The following SDK2 variants were observed in gnomAD, a reference collection of about 807,000 sequenced individuals.
SDK2 encodes protein sidekick-2.
A neutral mutation model predicts 253.9 loss-of-function variants in SDK2; 105 were observed. The observed-to-expected ratio is 0.41, with a 90% CI of 0.35 to 0.49. The LOEUF is 0.49. Ranked by LOEUF, SDK2 falls within the 20% of genes least tolerant of loss-of-function variation. The pLI, the probability that SDK2 is intolerant of heterozygous loss-of-function variation, is 0.06. For synonymous variants in SDK2, 1,249 were observed against 1,234.9 expected (o/e 1.01, Z -0.24); for missense variants, 2,608 against 3,003.0 (o/e 0.87, Z 3.07).
At chr17:73,526,922 T>A (rs1479312020) in intron 1 of SDK2, among the ~76,000 whole-genome samples, 1 of 152,248 alleles carries the variant, frequency 6.6e-6, no homozygotes, top group African/African-American at 2.4e-5. Flanking sequence ...CTTGTTGACC[T>A]TTCCTGATCA....
At chr17:73,494,032 C>T (rs1260998161) in intron 2 of SDK2, among the ~76,000 whole-genome samples, 4 of 152,194 alleles carry the variant, frequency 2.6e-5, no homozygotes, top group African/African-American at 9.7e-5. Context: ...CTGGGGATGC[C>T]GGGCCTGGCA....
In SDK2 at chr17:73,507,597, T is replaced by C; in HGVS notation, c.65A>G (p.Asp22Gly). Reference sequence around the variant, plus strand: ...TGTCTTGAAATACGGGGACACATCATCTGCAGAAACAGGGAGACAAAGCCA... The same window carrying C: ...TGTCTTGAAATACGGGGACACATCACCTGCAGAAACAGGGAGACAAAGCCA... ...LHQIRAARAQ[D>G]DVSPYFKTEP... Residue 22 changes from aspartate (D) to glycine (G), a missense_variant and splice_region_variant, in exon 2 of 45, where the codon GAT becomes GGT. By Grantham distance (94) the Asp-to-Gly change is moderately conservative. Transcript: ENST00000392650. 2 of 1,550,902 alleles carry C rather than the reference T, an allele frequency of 1.3e-6. No homozygotes were observed. The highest frequency in any genetic ancestry group is 1.7e-6 in the Non-Finnish European group (2 of 1,146,534).
At chr17:73,505,182 A>G in intron 2 of SDK2, among the ~76,000 whole-genome samples, 1 of 152,232 alleles carries the variant, frequency 6.6e-6, no homozygotes, top group East Asian at 1.9e-4. Flanking sequence ...ATACACATTA[A>G]GGAAGCAATT....
chr17:73,640,259 T>A (rs1208763133), intron 1 of SDK2, among the ~76,000 whole-genome samples: 1 of 82,950 alleles, frequency 1.2e-5, no homozygotes, highest in South Asian at 4.7e-4. Context: ...GGGGGTGGGG[T>A]GTGTGTGTGG....
chr17:73,447,828 G>C lies in SDK2; in HGVS notation c.480-80C>G, dbSNP rs2063464633. ...AGGGAGTGGGAGTGGAAACCCTAAG[G>C]GGGAAGCCCGACCATATCTCCCAGT... On this transcript the variant is annotated intron_variant, in intron 4 of 44. Transcript: ENST00000392650. The surrounding 1 kb of genome is among the most constrained non-coding windows in gnomAD (Gnocchi z 4.0). 4 of 1,508,922 alleles carry C rather than the reference G, an allele frequency of 2.7e-6. No homozygotes were observed. The highest frequency in any genetic ancestry group is 2.0e-4 in the Middle Eastern group (1 of 5,080). 93.5% of individuals were successfully genotyped at this position (1,508,922 alleles called of 1,614,324 possible).
chr17:73,445,718 A>C (rs1211758597), intron 5 of SDK2, among the ~76,000 whole-genome samples: 1 of 152,086 alleles, frequency 6.6e-6, no homozygotes, highest in African/African-American at 2.4e-5. Context: ...GCAGGCAGGC[A>C]GGCAGGCAGG....
chr17:73,558,112 C>G (rs1385960593), intron 1 of SDK2, among the ~76,000 whole-genome samples: 1 of 152,262 alleles, frequency 6.6e-6, no homozygotes, highest in African/African-American at 2.4e-5. Context: ...GAGCTGCCAC[C>G]TGGGAGTGAA....
At chr17:73,614,154 A>C (rs2046017219) in intron 1 of SDK2, among the ~76,000 whole-genome samples, 2 of 132,408 alleles carry the variant, frequency 1.5e-5, no homozygotes, top group African/African-American at 6.0e-5. Context: ...GCTGCTTTTC[A>C]TTTCCCAAGC....
intron 1 of SDK2, among the ~76,000 whole-genome samples, chr17:73,565,162 C>T (rs889493935): frequency 2.0e-5 from 3 of 152,272 alleles, no homozygotes; most frequent in South Asian, 4.1e-4. Flanking sequence ...TTGCGGCAAC[C>T]GCAGCAGTTG....
At chr17:73,600,417 T>C (rs1683829059) in intron 1 of SDK2, among the ~76,000 whole-genome samples, 1 of 152,130 alleles carries the variant, frequency 6.6e-6, no homozygotes, top group Non-Finnish European at 1.5e-5. Flanking sequence ...CAGGCCTCCC[T>C]GGCTTCTGCC....
intron 18 of SDK2, among the ~76,000 whole-genome samples, chr17:73,404,339 A>G (rs1328362826): frequency 6.6e-6 from 1 of 152,142 alleles, no homozygotes; most frequent in Non-Finnish European, 1.5e-5. Flanking sequence ...AGGTCCAGGG[A>G]GAGAGACAGT....
chr17:73,565,637 T>G (rs2045299970), intron 1 of SDK2, among the ~76,000 whole-genome samples: 1 of 152,184 alleles, frequency 6.6e-6, no homozygotes, highest in Non-Finnish European at 1.5e-5. Flanking sequence ...ATTCTAGATC[T>G]CTAATATGGT....
intron 1 of SDK2, 147 bp from the exon 2 acceptor site, chr17:73,507,744 C>T (rs1355298752): frequency 5.0e-6 from 4 of 795,112 alleles, no homozygotes; most frequent in Non-Finnish European, 7.8e-6. Context: ...GGACTTGAAC[C>T]TGGGTCAGTC....
At chr17:73,555,005 G>T (rs977096697) in intron 1 of SDK2, among the ~76,000 whole-genome samples, 18 of 152,344 alleles carry the variant, frequency 1.2e-4, no homozygotes, top group African/African-American at 4.3e-4. Context: ...GACTGGCTGG[G>T]GACCAGGCTG....
At chr17:73,404,697 C>T (rs1191518877) in intron 18 of SDK2, among the ~76,000 whole-genome samples, 1 of 152,154 alleles carries the variant, frequency 6.6e-6, no homozygotes, top group Admixed American at 6.5e-5. Context: ...TGTGCCTTCT[C>T]CTTGTTAGTC....
chr17:73,407,024 T>C (rs2063084676), intron 18 of SDK2, among the ~76,000 whole-genome samples: 1 of 152,086 alleles, frequency 6.6e-6, no homozygotes, highest in African/African-American at 2.4e-5. Flanking sequence ...AAAAGACCAA[T>C]GAGATTATTA....
intron 17 of SDK2, among the ~76,000 whole-genome samples, chr17:73,415,349 AC>A (rs2063171514): frequency 9.3e-6 from 1 of 107,490 alleles, no homozygotes; most frequent in African/African-American, 3.9e-5. Flanking sequence ...ATTTCATTTC[AC>A]TTTTTTTTTT....
chr17:73,455,888 T>G lies in SDK2; in HGVS notation c.479+18A>C. 8.2e-7 allele frequency: 1 copy of G among 1,225,884 alleles called. No individual in the cohort carries two copies. Among genetic ancestry groups the G allele is most frequent in the Non-Finnish European group, 1.1e-6 (1 of 904,628 alleles). 75.9% of individuals were successfully genotyped at this position (1,225,884 alleles called of 1,614,324 possible). ...AGACACCCCTCCCCTCCCCGTCCCCTCAGAGCGATGCACTCACATGCGGCT... is the reference window on the plus strand; with the variant it reads ...AGACACCCCTCCCCTCCCCGTCCCCGCAGAGCGATGCACTCACATGCGGCT... On this transcript the variant is annotated intron_variant, in intron 4 of 44. Coordinates refer to ENST00000392650, the MANE Select transcript of SDK2 (RefSeq NM_001144952.2). This position sits in a 1 kb window ranked among gnomAD's most constrained non-coding sequence, Gnocchi z 5.0.
chr17:73,378,625 G>A (rs1211401226), intron 36 of SDK2, among the ~76,000 whole-genome samples: 1 of 151,894 alleles, frequency 6.6e-6, no homozygotes, highest in Non-Finnish European at 1.5e-5. Context: ...TCACCATGTT[G>A]GCCAGGCTGG....
Sources: allele counts gnomAD v4.1 joint callset (sites outside exome capture counted in the v4.1 genomes callset), GRCh38; gene constraint gnomAD v4.1.1; non-coding constraint Gnocchi (gnomAD v3.1); transcripts MANE v1.5; gene names NCBI Gene and HGNC (gene_info 2026-07-23, HGNC 2026-07-21).